The following MED12 variants were observed in gnomAD, a reference collection of about 807,000 sequenced individuals.
MED12 encodes mediator of RNA polymerase II transcription subunit 12.
Under a neutral mutation model 177.7 loss-of-function variants are expected in MED12, and 10 were observed. That is an observed-to-expected ratio of 0.06 (90% CI 0.03 to 0.10). MED12 has a LOEUF of 0.10. Ranked by LOEUF, MED12 falls within the 10% of genes least tolerant of loss-of-function variation. MED12 has a pLI of 1.00. For missense variants in MED12, 867 were observed against 1,780.8 expected (o/e 0.49, Z 9.23); for synonymous variants, 641 against 678.4 (o/e 0.94, Z 0.86).
chrX:71,131,104 T>C lies in MED12; in HGVS notation c.4048-446T>C, dbSNP rs772762604. 1.3e-4 allele frequency among the ~76,000 whole-genome samples: 14 copies of C among 109,658 alleles called. No individual in the cohort carries two copies. The South Asian group carries it at 3.1e-3, about 24-fold the overall frequency. Reference sequence around the variant, plus strand: ...AAAAATTGGAAAGATTTTCAACTAGTTTGGACTATTTAAATGTAGTCTTTT... The same window carrying C: ...AAAAATTGGAAAGATTTTCAACTAGCTTGGACTATTTAAATGTAGTCTTTT... On this transcript the variant is annotated intron_variant, in intron 28 of 44. Coordinates refer to ENST00000374080, the MANE Select transcript of MED12 (RefSeq NM_005120.3).
chrX:71,129,045 C>A, intron 24 of MED12, 69 bp from the exon 25 acceptor site: 1 of 851,080 alleles, frequency 1.2e-6, no homozygotes, highest in Non-Finnish European at 1.8e-6. Context: ...TGCATGCAGG[C>A]ACGCACACAC....
intron 25 of MED12, 22 bp downstream of exon 25, chrX:71,129,237 C>A: frequency 8.5e-7 from 1 of 1,181,929 alleles, no homozygotes; most frequent in Non-Finnish European, 1.2e-6. Context: ...TGATCTGAAC[C>A]AGCCAACAGT....
At chrX:71,124,673 C>T (rs1451520685) in intron 13 of MED12, 91 bp from the exon 14 acceptor site, 3 of 729,280 alleles carry the variant, frequency 4.1e-6, no homozygotes, top group Non-Finnish European at 4.3e-6. Flanking sequence ...CCAATCTGGT[C>T]TTCTCTCTCC....
chrX:71,137,112 G>A (rs1274787804), intron 38 of MED12, 75 bp from the exon 39 acceptor site: 3 of 1,189,554 alleles, frequency 2.5e-6, no homozygotes, highest in South Asian at 3.6e-5. Flanking sequence ...CCCCTGAGGA[G>A]CTATGGATGT....
chrX:71,121,126 G>A lies in MED12; in HGVS notation c.709G>A (p.Glu237Lys), dbSNP rs1339711860. 2 of 1,211,081 alleles carry A rather than the reference G, an allele frequency of 1.7e-6. No homozygotes were observed. The highest frequency in any genetic ancestry group is 1.7e-5 in the African/African-American group (1 of 57,526). ...EVAIRQWDYT[E>K]KLAMFMFQDG... ...GGCAATCCGGCAGTGGGATTACACCGAGAAGCTGGCCATGTTCATGTTTCA... is the reference window on the plus strand; with the variant it reads ...GGCAATCCGGCAGTGGGATTACACCAAGAAGCTGGCCATGTTCATGTTTCA... The change falls in exon 5 of 45, where the codon GAG becomes AAG. Residue 237 changes from glutamate to lysine, a missense_variant. Around this residue, in one of 14 missense-constraint regions of MED12, gnomAD observed 309 missense variants for 556.3 expected, o/e 0.56. Transcript: ENST00000374080.
In MED12 at chrX:71,123,724, C is replaced by T. The variant is rs780750721; in HGVS notation, c.1744+4C>T. On this transcript the variant is annotated splice_donor_region_variant and intron_variant, in intron 12 of 44. Coordinates refer to ENST00000374080, the MANE Select transcript of MED12 (RefSeq NM_005120.3). ...GATACACAGGCTCCCATGCTGAGTA[C>T]GGACCCCTACCACTCTCTAGTTACC... The T allele has an allele frequency of 1.4e-5, 17 of 1,188,334 alleles. No homozygotes were observed. The highest frequency in any genetic ancestry group is 1.8e-5 in the Non-Finnish European group (16 of 882,556).
intron 28 of MED12, among the ~76,000 whole-genome samples, chrX:71,131,091 G>C (rs1244336168): frequency 2.8e-5 from 3 of 107,706 alleles, no homozygotes; most frequent in Admixed American, 9.9e-5. Flanking sequence ...AAATTGGAAA[G>C]ATTTTCAACT....
rs1258793313 is a variant in MED12 at position 71,129,790 on chromosome X, A to G, written c.3802A>G (p.Ile1268Val). 5 of 1,211,016 alleles carry G rather than the reference A, an allele frequency of 4.1e-6. No individual in the cohort carries two copies. The highest frequency in any genetic ancestry group is 4.6e-4 in the Middle Eastern group (2 of 4,353). The change falls in exon 27 of 45, where the codon ATC becomes GTC. Residue 1268 changes from isoleucine to valine, a missense_variant. This residue lies in a region of MED12 where 29 missense variants were observed against 31.3 expected (regional missense o/e 0.93). Coordinates refer to ENST00000374080, the MANE Select transcript of MED12 (RefSeq NM_005120.3). ...TGGTCGGAGGCAGGGTGGCCGCAAC[A>G]TCTCTGTGGAGACAGCCAGTCTGGA... is the stretch of plus-strand genomic sequence containing the variant. ...SGGRRQGGRN[I>V]SVETASLDVY... is the part of the protein sequence containing the mutation.
intron 29 of MED12, 136 bp from the exon 30 acceptor site, chrX:71,131,937 C>T (rs906298098): frequency 6.8e-6 from 4 of 585,859 alleles, no homozygotes; most frequent in Non-Finnish European, 1.2e-5. Context: ...TGATTCCCAA[C>T]AGAGTTGCGT....
chrX:71,134,230 CAAA>C (rs35646519), intron 33 of MED12, 124 bp from the exon 34 acceptor site: 628 of 298,220 alleles, frequency 2.1e-3, no homozygotes, highest in East Asian at 4.0e-3. Context: ...GACTCCGTCT[CAAA>C]AAAAAAAAAA....
Position 71,132,962 on chromosome X carries a change from G to A in MED12, c.4527+6G>A. 8.6e-7 allele frequency: 1 copy of A among 1,166,926 alleles called. No homozygotes were observed. The highest frequency in any genetic ancestry group is 1.2e-6 in the Non-Finnish European group (1 of 864,222). ...TCTACAGCCAGGTGCACCAGGTACA[G>A]ATCTCTGGGCCATGGAGGTGGGCAG... On this transcript the variant is annotated splice_donor_region_variant and intron_variant, in intron 32 of 44. Transcript: ENST00000374080.
At chrX:71,125,265 A>G (rs2092299960) in intron 15 of MED12, 86 bp from the exon 16 acceptor site, 1 of 1,195,089 alleles carries the variant, frequency 8.4e-7, no homozygotes, top group East Asian at 3.0e-5. Context: ...GGGCTTTAGC[A>G]TGTGGATGCT....
intron 41 of MED12, among the ~76,000 whole-genome samples, chrX:71,139,039 A>C (rs780147212): frequency 8.9e-6 from 1 of 111,867 alleles, no homozygotes; most frequent in Admixed American, 9.5e-5. Flanking sequence ...AGGTGAAGAA[A>C]GATAGCAAAA....
In MED12 at chrX:71,126,007, T is replaced by C; in HGVS notation, c.2423-29T>C. 3.6e-6 allele frequency: 4 copies of C among 1,115,563 alleles called. 1 individual carries two copies. The highest frequency in any genetic ancestry group is 1.8e-5 in the South Asian group (1 of 54,889). 91.9% of individuals were successfully genotyped at this position (1,115,563 alleles called of 1,213,427 possible). A position where few individuals can be genotyped will look rare whatever the true frequency, so the allele number is the denominator to read the frequency against. On this transcript the variant is annotated intron_variant, in intron 17 of 44. Transcript: ENST00000374080. The stretch of plus-strand genomic sequence containing the variant: ...AGTCAACTAGTTATCTTCCCTGTCT[T>C]GACTGGTCCCTTTCAACTGTCCCCT...
chrX:71,132,039 A>AT (rs778685218), intron 29 of MED12, 34 bp from the exon 30 acceptor site: 1 of 1,194,928 alleles, frequency 8.4e-7, no homozygotes. Flanking sequence ...TTAGCTACCT[A>AT]TTTTAGCACT....
At chrX:71,119,105 G>A (rs1196185533) in intron 1 of MED12, among the ~76,000 whole-genome samples, 1 of 110,744 alleles carries the variant, frequency 9.0e-6, no homozygotes, top group East Asian at 2.8e-4. Flanking sequence ...AGTTGTCTGA[G>A]ACAGCTTGGT....
chrX:71,123,356 GAACCT>G (rs1292911363), intron 11 of MED12, 130 bp downstream of exon 11: 1 of 957,424 alleles, frequency 1.0e-6, no homozygotes, highest in Non-Finnish European at 1.5e-6. Flanking sequence ...AAGCAAAAGA[GAACCT>G]AAAGGCAAAG....
In MED12 at chrX:71,124,960, C is replaced by G; in HGVS notation, c.2056-16C>G. 3.3e-6 allele frequency: 4 copies of G among 1,210,136 alleles called. No homozygotes were observed. The highest frequency in any genetic ancestry group is 3.4e-6 in the Non-Finnish European group (3 of 894,516). Reference sequence around the variant, plus strand: ...TTTCCTTCTTCTCATGTTCTGCTTTCTCACCTTTCTCTCAGTTGTTCTCCC... The same window carrying G: ...TTTCCTTCTTCTCATGTTCTGCTTTGTCACCTTTCTCTCAGTTGTTCTCCC... On this transcript the variant is annotated splice_polypyrimidine_tract_variant and intron_variant, in intron 14 of 44. Transcript: ENST00000374080.
Position 71,122,184 on chromosome X carries a change from T to G in MED12, c.1102-16T>G. 8.3e-7 allele frequency: 1 copy of G among 1,211,329 alleles called. No homozygotes were observed. The highest frequency in any genetic ancestry group is 1.1e-6 in the Non-Finnish European group (1 of 895,084). On this transcript the variant is annotated splice_polypyrimidine_tract_variant and intron_variant, in intron 7 of 44. Transcript: ENST00000374080. Reference sequence around the variant, plus strand: ...CCATGGTGAATGAGTTGGACTTAGCTGTTTCTATCTGGTAGACCATCCTCC... The same window carrying G: ...CCATGGTGAATGAGTTGGACTTAGCGGTTTCTATCTGGTAGACCATCCTCC...
Sources: gnomAD v4.1 joint callset for allele counts (sites outside exome capture counted in the v4.1 genomes callset) on GRCh38, gnomAD v4.1.1 for gene constraint, gnomAD v4.1.1 regional missense constraint, MANE v1.5 for transcripts, NCBI Gene and HGNC (gene_info 2026-07-23, HGNC 2026-07-21) for gene names.